SFXN5: variants seen among roughly 807,000 people sequenced by gnomAD.
SFXN5 encodes sideroflexin-5.
A neutral mutation model predicts 50.2 loss-of-function variants in SFXN5; 43 were observed. That is an observed-to-expected ratio of 0.86 (90% CI 0.67 to 1.11). SFXN5 has a LOEUF of 1.11. Among genes scored for constraint, SFXN5 ranks in the 50% least tolerant of loss-of-function variants. SFXN5 has a pLI of 0.00. For missense variants in SFXN5, 463 were observed against 454.1 expected (o/e 1.02, Z -0.18); for synonymous variants, 203 against 185.8 (o/e 1.09, Z -0.75).
chr2:73,051,253 A>G (rs1044487539), intron 2 of SFXN5, among the ~76,000 whole-genome samples: 4 of 112,756 alleles, frequency 3.5e-5, no homozygotes, highest in Admixed American at 2.3e-4. Context: ...GACTTTTTCC[A>G]GCACTTTTTT....
rs188445478 is a variant in SFXN5 at position 72,979,650 on chromosome 2, G to T, written c.626-7965C>A. ...CTCCGTCTATAAATAAATAAATAAA[G>T]AAATCATTTAAAAATAGCCATGGAA... On this transcript the variant is annotated intron_variant, in intron 10 of 13. Transcript: ENST00000272433. 2.8e-3 allele frequency among the ~76,000 whole-genome samples: 425 copies of T among 152,138 alleles called. 1 individual carries two copies. Among genetic ancestry groups the T allele is most frequent in the East Asian group, 0.012 (60 of 5,186 alleles).
intron 2 of SFXN5, among the ~76,000 whole-genome samples, chr2:73,050,127 C>T (rs1681050409): frequency 7.2e-5 from 11 of 152,152 alleles, no homozygotes. Flanking sequence ...GACAGCCCCA[C>T]CCCCATGGCT....
At chr2:73,063,043 C>G (rs1280753398) in intron 1 of SFXN5, among the ~76,000 whole-genome samples, 1 of 152,156 alleles carries the variant, frequency 6.6e-6, no homozygotes, top group Non-Finnish European at 1.5e-5. Context: ...TGAGGAAGAG[C>G]AGCCACAGAT....
At chr2:72,990,398 A>T (rs1012092895) in intron 9 of SFXN5, among the ~76,000 whole-genome samples, 1 of 152,086 alleles carries the variant, frequency 6.6e-6, no homozygotes, top group Non-Finnish European at 1.5e-5. Context: ...CATGAATAGA[A>T]TTCATCAAGT....
chr2:72,971,295 C>T (rs1381345937), intron 11 of SFXN5, among the ~76,000 whole-genome samples: 1 of 152,148 alleles, frequency 6.6e-6, no homozygotes, highest in African/African-American at 2.4e-5. Context: ...CAATTAACAC[C>T]TCCTCTGGGT....
chr2:72,965,883 A>C (rs1674333747), intron 12 of SFXN5, among the ~76,000 whole-genome samples: 1 of 152,082 alleles, frequency 6.6e-6, no homozygotes, highest in Non-Finnish European at 1.5e-5. Context: ...ACCCAGCTTC[A>C]CACCCCGCCC....
intron 6 of SFXN5, among the ~76,000 whole-genome samples, chr2:73,014,672 T>C (rs1675934508): frequency 6.6e-6 from 1 of 152,220 alleles, no homozygotes; most frequent in Non-Finnish European, 1.5e-5. Context: ...AGATCTCCAA[T>C]GTCCTTCAAT....
intron 10 of SFXN5, among the ~76,000 whole-genome samples, chr2:72,980,527 A>G (rs574403037): frequency 1.3e-3 from 191 of 152,284 alleles, no homozygotes; most frequent in Non-Finnish European, 1.8e-3. Flanking sequence ...TTTTCTCTTA[A>G]GTAGCTTGAG....
intron 6 of SFXN5, among the ~76,000 whole-genome samples, chr2:73,007,212 C>G (rs2105742366): frequency 6.6e-6 from 1 of 152,268 alleles, no homozygotes; most frequent in African/African-American, 2.4e-5. Context: ...CCTTGGCCAC[C>G]TCCCATACAA....
At chr2:73,039,879 C>T (rs186996392) in intron 3 of SFXN5, among the ~76,000 whole-genome samples, 35 of 151,688 alleles carry the variant, frequency 2.3e-4, no homozygotes, top group South Asian at 4.2e-4. Context: ...GGCGCAGTCT[C>T]GGCTCACTGC....
At chr2:72,990,415 G>A (rs1469916757) in intron 9 of SFXN5, among the ~76,000 whole-genome samples, 1 of 152,158 alleles carries the variant, frequency 6.6e-6, no homozygotes, top group Admixed American at 6.5e-5. Flanking sequence ...AAGTCCAGGA[G>A]CGAGTGACTC....
In SFXN5 at chr2:72,960,590, A is replaced by C. The variant is rs901012601; in HGVS notation, c.945+541T>G. Among the ~76,000 whole-genome samples the C allele has an allele frequency of 3.9e-5, 6 of 151,990 alleles. No individual in the cohort carries two copies. The highest frequency in any genetic ancestry group is 8.8e-5 in the Non-Finnish European group (6 of 67,992). On this transcript the variant is annotated intron_variant, in intron 13 of 13. Coordinates refer to ENST00000272433, the MANE Select transcript of SFXN5 (RefSeq NM_144579.3). The surrounding 1 kb of genome is among the most constrained non-coding windows in gnomAD (Gnocchi z 6.1). ...CAGGCATCTGTGGTCTGCCCTGCACAGCCCTTAGGAGGACATTCACCCTCT... is the reference window on the plus strand; with the variant it reads ...CAGGCATCTGTGGTCTGCCCTGCACCGCCCTTAGGAGGACATTCACCCTCT...
Position 72,992,678 on chromosome 2 carries a change from G to T in SFXN5, c.535-4330C>A, listed in dbSNP as rs13401894. Among the ~76,000 whole-genome samples, 2,049 of 152,270 alleles carry T rather than the reference G, an allele frequency of 0.013. 39 individuals are homozygous for T. The highest frequency in any genetic ancestry group is 0.046 in the African/African-American group (1,903 of 41,542). ...CCGGATGTCATGAATGCAGCTGTTT[G>T]CTCTCCCTGCTCCCAACACTCAGCA... On this transcript the variant is annotated intron_variant, in intron 9 of 13. Transcript: ENST00000272433. This position sits in a 1 kb window ranked among gnomAD's most constrained non-coding sequence, Gnocchi z 4.5.
chr2:73,020,310 C>G (rs188071118), intron 5 of SFXN5, 46 bp from the exon 6 acceptor site: 1 of 1,608,212 alleles, frequency 6.2e-7, no homozygotes, highest in Middle Eastern at 1.7e-4. Context: ...CCACTCACAT[C>G]TCACCTGAGA....
intron 2 of SFXN5, among the ~76,000 whole-genome samples, chr2:73,055,524 G>A (rs769766799): frequency 3.2e-4 from 48 of 152,006 alleles, no homozygotes; most frequent in Non-Finnish European, 1.6e-4. Context: ...ATTTTAGGCC[G>A]GGCACGGTGA....
At chr2:73,059,945 A>G (rs1289978448) in intron 1 of SFXN5, 1 of 848,402 alleles carries the variant, frequency 1.2e-6, no homozygotes, top group Non-Finnish European at 1.4e-6. Flanking sequence ...ATGATGGTCC[A>G]TTCATATGAC....
At chr2:73,034,477 T>C (rs1574180733) in intron 3 of SFXN5, among the ~76,000 whole-genome samples, 1 of 152,156 alleles carries the variant, frequency 6.6e-6, no homozygotes, top group East Asian at 1.9e-4. Flanking sequence ...ACTTGCAGGA[T>C]CTCTTGCATC....
At chr2:72,999,669 G>T (rs1358308054) in intron 8 of SFXN5, among the ~76,000 whole-genome samples, 1 of 151,936 alleles carries the variant, frequency 6.6e-6, no homozygotes, top group Non-Finnish European at 1.5e-5. Flanking sequence ...TAGATGTCAG[G>T]GGGCAGCCAC....
At chr2:72,995,287 C>T (rs544155091) in intron 9 of SFXN5, among the ~76,000 whole-genome samples, 1 of 152,358 alleles carries the variant, frequency 6.6e-6, no homozygotes, top group East Asian at 1.9e-4. Context: ...TGTTAAAAGA[C>T]AGCAAACTGT....
Sources: gnomAD v4.1 joint callset for allele counts (sites outside exome capture counted in the v4.1 genomes callset) on GRCh38, gnomAD v4.1.1 for gene constraint, Gnocchi (gnomAD v3.1) non-coding constraint, MANE v1.5 for transcripts, NCBI Gene and HGNC (gene_info 2026-07-23, HGNC 2026-07-21) for gene names.